Variants in USP6 observed in about 807,000 individuals in gnomAD.
USP6 encodes the protein ubiquitin carboxyl-terminal hydrolase 6.
A neutral mutation model predicts 175.7 loss-of-function variants in USP6; 128 were observed. That is an observed-to-expected ratio of 0.73 (90% CI 0.63 to 0.84). The LOEUF (loss-of-function observed/expected upper bound fraction) is 0.84. Among genes scored for constraint, USP6 ranks in the 40% least tolerant of loss-of-function variants. The pLI is 0.00. For synonymous variants in USP6, 562 were observed against 630.6 expected (o/e 0.89, Z 1.63); for missense variants, 1,498 against 1,760.3 (o/e 0.85, Z 2.67).
Position 5,136,656 on chromosome 17 carries a change from T to G in USP6, c.681T>G (p.Asn227Lys). 6.2e-7 allele frequency: 1 copy of G among 1,611,824 alleles called. No homozygotes were observed. Among genetic ancestry groups the G allele is most frequent in the Non-Finnish European group, 8.5e-7 (1 of 1,179,640 alleles). ...RHSLPGFHSP[N>K]GGTVQGLQDQ... is the part of the protein sequence containing the mutation. ...GCTTCTCAGGATTCCACAGCCCAAA[T>G]GGTGGGACAGTCCAGGGGCTCCAAG... is the stretch of plus-strand genomic sequence containing the variant. The change falls in exon 18 of 38, where the codon AAT becomes AAG. Residue 227 changes from asparagine to lysine, a missense_variant. Asn to Lys is a moderately conservative substitution (Grantham distance 94). Around this residue, in one of 2 missense-constraint regions of USP6, gnomAD observed 1,217 missense variants for 1,500.8 expected, o/e 0.81. Transcript: ENST00000574788.
In USP6 at chr17:5,147,203, G is replaced by T; in HGVS notation, c.2431+9G>T. 6.2e-7 allele frequency: 1 copy of T among 1,601,124 alleles called. No individual in the cohort carries two copies. The highest frequency in any genetic ancestry group is 1.7e-5 in the Admixed American group (1 of 59,140). On this transcript the variant is annotated intron_variant, in intron 29 of 37. Transcript: ENST00000574788. ...TAGTCCAACACAAATAGGTAAGATA[G>T]AACTAGAACTCCTTCTCATGACTGC...
At chr17:5,163,550 C>A (rs1598092207) in intron 33 of USP6, among the ~76,000 whole-genome samples, 1 of 152,336 alleles carries the variant, frequency 6.6e-6, no homozygotes, top group East Asian at 1.9e-4. Flanking sequence ...CTAGGCCCCA[C>A]CTCCTAACAA....
chr17:5,163,348 T>C (rs2074041310), intron 33 of USP6, among the ~76,000 whole-genome samples: 1 of 152,180 alleles, frequency 6.6e-6, no homozygotes, highest in Non-Finnish European at 1.5e-5. Context: ...ACTTCTGTGC[T>C]GCATCATAAC....
intron 14 of USP6, 145 bp from the exon 15 acceptor site, chr17:5,133,742 C>A: frequency 1.7e-6 from 2 of 1,143,086 alleles, no homozygotes; most frequent in Non-Finnish European, 2.6e-6. Flanking sequence ...GCCTCAGTAG[C>A]AAGCCAAAAA....
At chr17:5,143,976 G>C (rs1282981802) in intron 25 of USP6, among the ~76,000 whole-genome samples, 1 of 151,992 alleles carries the variant, frequency 6.6e-6, no homozygotes, top group Non-Finnish European at 1.5e-5. Context: ...ATGAATATAA[G>C]TTTTATATTA....
chr17:5,162,802 G>A, intron 32 of USP6, 82 bp from the exon 33 acceptor site: 6 of 1,545,574 alleles, frequency 3.9e-6, no homozygotes, highest in South Asian at 1.3e-5. Flanking sequence ...AGAAAAGTAG[G>A]AAGGGAGAAT....
intron 2 of USP6, among the ~76,000 whole-genome samples, chr17:5,118,560 C>G (rs2072583029): frequency 6.6e-6 from 1 of 152,246 alleles, no homozygotes; most frequent in Non-Finnish European, 1.5e-5. Flanking sequence ...CAGCTGGCCC[C>G]TAGCCCCATT....
chr17:5,172,584 A>G lies in USP6; in HGVS notation c.4048-221A>G, dbSNP rs149738124. 4.1e-3 allele frequency among the ~76,000 whole-genome samples: 627 copies of G among 152,320 alleles called. 4 individuals are homozygous for G. Among genetic ancestry groups the G allele is most frequent in the African/African-American group, 0.015 (606 of 41,572 alleles). On this transcript the variant is annotated intron_variant, in intron 37 of 37. Transcript: ENST00000574788. Reference sequence around the variant, plus strand: ...TTAGAATTTGATGGGGTTTTAGGTCATTCTGTTTTGACTTGTCTATGGTCA... The same window carrying G: ...TTAGAATTTGATGGGGTTTTAGGTCGTTCTGTTTTGACTTGTCTATGGTCA...
chr17:5,130,494 AG>A, intron 10 of USP6, 55 bp downstream of exon 10: 3 of 1,612,400 alleles, frequency 1.9e-6, no homozygotes, highest in Non-Finnish European at 2.5e-6. Context: ...CCCTGGTCAA[AG>A]GGTCCTGGGT....
intron 33 of USP6, among the ~76,000 whole-genome samples, chr17:5,166,762 A>C (rs892839691): frequency 2.6e-5 from 4 of 151,960 alleles, no homozygotes; most frequent in Non-Finnish European, 4.4e-5. Context: ...GCAGCCAGGC[A>C]TGGAGAGGGA....
rs1567819062 is a variant in USP6 at position 5,172,938 on chromosome 17, ACT to A, written c.4184_4185del (p.Ser1395Ter). 3.7e-6 allele frequency: 6 copies of A among 1,613,750 alleles called. No homozygotes were observed. The highest frequency in any genetic ancestry group is 1.7e-5 in the Admixed American group (1 of 59,976). On this transcript the variant is annotated frameshift_variant, in exon 38 of 38. Transcript: ENST00000574788. LOFTEE classifies it high-confidence loss of function. Reference sequence around the variant, plus strand: ...GCAGACACAAGCAGTACGGATGAAGACTCTGAGTCTGATTACGAAAAGTACTC... The same window carrying A: ...GCAGACACAAGCAGTACGGATGAAGACTGAGTCTGATTACGAAAAGTACTC...
intron 1 of USP6, among the ~76,000 whole-genome samples, chr17:5,117,189 C>T (rs1035484056): frequency 6.6e-6 from 1 of 152,134 alleles, no homozygotes; most frequent in African/African-American, 2.4e-5. Flanking sequence ...TTATGCTCAC[C>T]CTGCTTTGTA....
At chr17:5,135,082 A>G (rs1286367766) in intron 15 of USP6, 152 bp from the exon 16 acceptor site, 15 of 852,928 alleles carry the variant, frequency 1.8e-5, no homozygotes, top group Non-Finnish European at 2.1e-5. Context: ...TTTTACTGAA[A>G]CATTTCTTCA....
chr17:5,135,828 C>A lies in USP6; in HGVS notation c.564C>A (p.Asp188Glu). Reference protein sequence around the residue: ...EYNPEVGYCRDLSHITALFLL... With the variant: ...EYNPEVGYCRELSHITALFLL... ...TGCAGGAGGTGGGCTACTGCAGGGACCTGAGCCACATCACCGCCTTGTTCC... is the reference window on the plus strand; with the variant it reads ...TGCAGGAGGTGGGCTACTGCAGGGAACTGAGCCACATCACCGCCTTGTTCC... The change falls in exon 17 of 38, where the codon GAC becomes GAA. Residue 188 changes from aspartate to glutamate, a missense_variant. Physicochemically the swap from Asp to Glu is conservative, Grantham distance 45. Coordinates refer to ENST00000574788, the MANE Select transcript of USP6 (RefSeq NM_001304284.2). 1 of 1,598,544 alleles carries A rather than the reference C, an allele frequency of 6.3e-7. No individual in the cohort carries two copies.
rs1458704982 is a variant in USP6, at chr17:5,148,900, T to A, written c.2643+133T>A. ...TTTAATTTTTAAAAATTTAATACTT[T>A]TACAAATTTTATTTTTTTACTTTTC... On this transcript the variant is annotated intron_variant, in intron 30 of 37. Transcript: ENST00000574788. 8 of 1,416,050 alleles carry A rather than the reference T, an allele frequency of 5.6e-6. No individual in the cohort carries two copies. In the East Asian group the frequency reaches 7.6e-5, roughly 13 times the overall value. The allele number at this position is 1,416,050 out of a possible 1,614,324, so 87.7% of individuals were successfully genotyped here.
intron 25 of USP6, 32 bp downstream of exon 25, chr17:5,142,534 A>G: frequency 6.4e-7 from 1 of 1,574,110 alleles, no homozygotes; most frequent in Admixed American, 1.8e-5. Context: ...AAAAGTATTT[A>G]ATTCCTAAAT....
chr17:5,170,554 G>C lies in USP6; in HGVS notation c.3593G>C (p.Arg1198Pro), dbSNP rs749335334. The change falls in exon 36 of 38, where the codon CGG (arginine) becomes CCG (proline). Residue 1198 changes from arginine (R) to proline (P), a missense_variant. Physicochemically the swap from Arg to Pro is moderately radical, Grantham distance 103. Coordinates refer to ENST00000574788, the MANE Select transcript of USP6 (RefSeq NM_001304284.2). ...AACAGCAGCCCTAATAGCAGCCCACGGACTTTGGGGAGGAGCAAAGGGAGG... is the reference window on the plus strand; with the variant it reads ...AACAGCAGCCCTAATAGCAGCCCACCGACTTTGGGGAGGAGCAAAGGGAGG... ...SKNSSPNSSP[R>P]TLGRSKGRLR... 4 of 1,611,860 alleles carry C rather than the reference G, an allele frequency of 2.5e-6. No homozygotes were observed. The highest frequency in any genetic ancestry group is 2.2e-5 in the South Asian group (2 of 90,970).
chr17:5,143,664 C>A (rs867422815), intron 25 of USP6, among the ~76,000 whole-genome samples: 1 of 151,760 alleles, frequency 6.6e-6, no homozygotes. Flanking sequence ...GACCTTTGTT[C>A]ACTTGTTTAT....
In USP6 at chr17:5,148,633, C is replaced by T. The variant is rs2073677049; in HGVS notation, c.2509C>T (p.Pro837Ser). Residue 837 changes from proline to serine, a missense_variant, in exon 30 of 38, where the codon CCC (proline) becomes TCC (serine). This residue lies in a region of USP6 where 1,217 missense variants were observed against 1,500.8 expected (regional missense o/e 0.81). Transcript: ENST00000574788. Reference protein sequence around the residue: ...NGDLPKPIFIPNGMPNTVVPC... With the variant: ...NGDLPKPIFISNGMPNTVVPC... ...GGACCTACCCAAACCAATATTCATC[C>T]CCAATGGAATGCCAAACACTGTTGT... 1 of 1,613,904 alleles carries T rather than the reference C, an allele frequency of 6.2e-7. No individual in the cohort carries two copies. The highest frequency in any genetic ancestry group is 8.5e-7 in the Non-Finnish European group (1 of 1,179,848).
Sources: gnomAD v4.1 joint callset for allele counts (sites outside exome capture counted in the v4.1 genomes callset) on GRCh38, gnomAD v4.1.1 for gene constraint, gnomAD v4.1.1 regional missense constraint, MANE v1.5 for transcripts, NCBI Gene and HGNC (gene_info 2026-07-23, HGNC 2026-07-21) for gene names.